The following PLCB1 variants were observed in gnomAD, a reference collection of about 807,000 sequenced individuals.
PLCB1 encodes the protein phospholipase C beta 1.
In PLCB1, 46 loss-of-function variants were observed where a neutral mutation model predicts 161.8. The observed-to-expected ratio is 0.28, with a 90% CI of 0.22 to 0.36. PLCB1 has a LOEUF of 0.36. Ranked by LOEUF, PLCB1 falls within the 10% of genes least tolerant of loss-of-function variation. The probability of loss-of-function intolerance (pLI) is 1.00; values close to 1 mark genes in which losing one functional copy is unlikely to be tolerated. For missense variants in PLCB1, 1,016 were observed against 1,472.5 expected, an observed-to-expected ratio of 0.69 and a Z score of 5.07; for synonymous variants, 517 against 503.7, an observed-to-expected ratio of 1.03 and a Z score of -0.35.
chr20:8,521,526 A>T (rs76172350), intron 3 of PLCB1, among the ~76,000 whole-genome samples: 10,695 of 152,106 alleles, frequency 0.07, 487 homozygotes, highest in Middle Eastern at 0.11. Flanking sequence ...CAACATGGAG[A>T]AAACCAGTCT....
At chr20:8,200,367 A>G (rs1375080551) in intron 2 of PLCB1, among the ~76,000 whole-genome samples, 1 of 151,978 alleles carries the variant, frequency 6.6e-6, no homozygotes, top group East Asian at 1.9e-4. Flanking sequence ...GTCAATTTCT[A>G]TGTTTGGTAT....
At chr20:8,439,622 T>C (rs985985664) in intron 3 of PLCB1, among the ~76,000 whole-genome samples, 2 of 152,194 alleles carry the variant, frequency 1.3e-5, no homozygotes, top group Non-Finnish European at 2.9e-5. Context: ...AGTAATTAGA[T>C]ATTTAGATAG....
Position 8,596,275 on chromosome 20 carries a change from GT to G in PLCB1, c.247-32018del. Among the ~76,000 whole-genome samples the G allele has an allele frequency of 6.0e-5, 7 of 117,054 alleles. No individual in the cohort carries two copies. The South Asian group carries it at 1.7e-3, about 29-fold the overall frequency. The allele number at this position is 117,054 out of a possible 152,430, so 76.8% of individuals were successfully genotyped here. A position where few individuals can be genotyped will look rare whatever the true frequency, so the allele number is the denominator to read the frequency against. On this transcript the variant is annotated intron_variant, in intron 3 of 31. Transcript: ENST00000338037. Reference sequence around the variant, plus strand: ...TTTAATCCATCTTGAATTGATTTTTGTATAAGGTGTAAGAAAGGGATCCAGT... The same window carrying G: ...TTTAATCCATCTTGAATTGATTTTTGATAAGGTGTAAGAAAGGGATCCAGT...
intron 3 of PLCB1, among the ~76,000 whole-genome samples, chr20:8,469,062 A>G (rs1233134200): frequency 1.3e-5 from 2 of 152,170 alleles, no homozygotes; most frequent in Non-Finnish European, 2.9e-5. Flanking sequence ...CGATGCTGAC[A>G]CTACCGTCCT....
chr20:8,158,586 G>A (rs1308273463), intron 2 of PLCB1, among the ~76,000 whole-genome samples: 3 of 152,086 alleles, frequency 2.0e-5, no homozygotes, highest in East Asian at 1.9e-4. Flanking sequence ...ACTCATTTCA[G>A]CATTAACTCA....
chr20:8,165,826 A>G (rs1309271127), intron 2 of PLCB1, among the ~76,000 whole-genome samples: 2 of 152,166 alleles, frequency 1.3e-5, no homozygotes, highest in African/African-American at 2.4e-5. Flanking sequence ...TCTTACTCTT[A>G]GCAGTTTATG....
At chr20:8,576,368 TAAATAAAAGACCAAGGAGAAGAAAGACAC>T (rs1986674174) in intron 3 of PLCB1, among the ~76,000 whole-genome samples, 1 of 152,130 alleles carries the variant, frequency 6.6e-6, no homozygotes. Context: ...TGTAAAGCCA[TAAATAAAAGACCAAGGAGAAGAAAGACAC>T]TCTGATCAGA....
intron 31 of PLCB1, among the ~76,000 whole-genome samples, chr20:8,817,129 T>C (rs1985119391): frequency 6.6e-6 from 1 of 152,196 alleles, no homozygotes; most frequent in Admixed American, 6.5e-5. Flanking sequence ...TGATATAATC[T>C]AAGATAACAA....
At chr20:8,658,509 CTT>C (rs1246094687) in intron 8 of PLCB1, 27 bp from the exon 9 acceptor site, 4 of 1,533,208 alleles carry the variant, frequency 2.6e-6, no homozygotes, top group Non-Finnish European at 3.5e-6. Flanking sequence ...TTAAAAAATT[CTT>C]ATTGCTTGGT....
chr20:8,490,246 A>T (rs1237960273), intron 3 of PLCB1, among the ~76,000 whole-genome samples: 2 of 152,248 alleles, frequency 1.3e-5, no homozygotes, highest in Non-Finnish European at 2.9e-5. Flanking sequence ...AGCCAAAAAA[A>T]TTAAGAGCCA....
chr20:8,844,986 C>T (rs780026988), intron 31 of PLCB1, among the ~76,000 whole-genome samples: 18 of 151,794 alleles, frequency 1.2e-4, no homozygotes, highest in African/African-American at 4.3e-4. Flanking sequence ...AGGTGGTGGG[C>T]GCCTGTAGTC....
chr20:8,338,381 C>T (rs1418312711), intron 2 of PLCB1, among the ~76,000 whole-genome samples: 7 of 152,020 alleles, frequency 4.6e-5, no homozygotes, highest in Admixed American at 3.3e-4. Flanking sequence ...GTCTTTTCAT[C>T]GATACCCTTT....
chr20:8,269,084 T>TA (rs1395021224), intron 2 of PLCB1, among the ~76,000 whole-genome samples: 1 of 151,878 alleles, frequency 6.6e-6, no homozygotes, highest in Non-Finnish European at 1.5e-5. Context: ...GAACTTTTTT[T>TA]AAATAATTTT....
At chr20:8,629,253 ATAATAT>A (rs1364999842) in intron 4 of PLCB1, among the ~76,000 whole-genome samples, 1 of 152,196 alleles carries the variant, frequency 6.6e-6, no homozygotes, top group Non-Finnish European at 1.5e-5. Flanking sequence ...AATAATGAAA[ATAATAT>A]TAAGTAAGAA....
rs75796508 is a variant in PLCB1, at chr20:8,608,831, C to A, written c.247-19463C>A. Among the ~76,000 whole-genome samples the A allele has an allele frequency of 7.6e-3, 1,162 of 152,200 alleles. 18 individuals are homozygous for A. Among genetic ancestry groups the A allele is most frequent in the African/African-American group, 0.026 (1,075 of 41,534 alleles). On this transcript the variant is annotated intron_variant, in intron 3 of 31. Transcript: ENST00000338037. ...TAGAGCTTTATTTTAATTATAGTTT[C>A]TTAAATTTGAATGAATTCACTATTT...
intron 2 of PLCB1, among the ~76,000 whole-genome samples, chr20:8,188,167 G>A (rs928810725): frequency 8.5e-5 from 13 of 152,128 alleles, no homozygotes; most frequent in Non-Finnish European, 1.2e-4. Context: ...AGGTTTAAGA[G>A]CCAGCAGCCA....
At chr20:8,318,048 A>G (rs992716823) in intron 2 of PLCB1, among the ~76,000 whole-genome samples, 6 of 151,444 alleles carry the variant, frequency 4.0e-5, no homozygotes, top group African/African-American at 1.2e-4. Context: ...TGGAATACAG[A>G]GACCAACACT....
intron 31 of PLCB1, among the ~76,000 whole-genome samples, chr20:8,854,099 A>G (rs977270301): frequency 1.3e-5 from 2 of 152,078 alleles, no homozygotes; most frequent in African/African-American, 4.8e-5. Context: ...ATAAACTTAA[A>G]CTTTCCTGGG....
intron 20 of PLCB1, 31 bp downstream of exon 20, chr20:8,737,223 A>G (rs116339467): frequency 1.0e-4 from 159 of 1,562,190 alleles, no homozygotes; most frequent in Non-Finnish European, 1.1e-4. Flanking sequence ...ATGAGTTATA[A>G]CTGCATTTTT....
Sources: allele counts gnomAD v4.1 joint callset (sites outside exome capture counted in the v4.1 genomes callset), GRCh38; gene constraint gnomAD v4.1.1; transcripts MANE v1.5; gene names NCBI Gene and HGNC (gene_info 2026-07-23, HGNC 2026-07-21).